TRIM48: variants seen among roughly 807,000 people sequenced by gnomAD.
TRIM48 encodes the protein tripartite motif containing 48.
In TRIM48, 31 loss-of-function variants were observed where a neutral mutation model predicts 29.5. That is an observed-to-expected ratio of 1.05 (90% confidence interval 0.79 to 1.42). TRIM48 has a LOEUF of 1.42. Among genes scored for constraint, TRIM48 ranks in the 40% most tolerant of loss-of-function variants. The pLI is 0.00. For missense variants in TRIM48, 344 were observed against 265.0 expected (o/e 1.30, Z -2.07); for synonymous variants, 128 against 90.6 (o/e 1.41, Z -2.34).
Position 55,266,268 on chromosome 11 carries a change from G to T in TRIM48, c.555+573G>T, listed in dbSNP as rs1423693444. On this transcript the variant is annotated intron_variant, in intron 3 of 5. Coordinates refer to ENST00000417545, the MANE Select transcript of TRIM48 (RefSeq NM_024114.5). ...TGTCTTGAGGGAGACATGCAAACATGCCCAAAATATGGGAACTAGTATCTA... is the reference window on the plus strand; with the variant it reads ...TGTCTTGAGGGAGACATGCAAACATTCCCAAAATATGGGAACTAGTATCTA... Among the ~76,000 whole-genome samples the T allele has an allele frequency of 1.4e-5, 2 of 147,566 alleles. 1 individual carries two copies. The highest frequency in any genetic ancestry group is 3.0e-5 in the Non-Finnish European group (2 of 66,890).
In TRIM48 at chr11:55,267,548, G is replaced by T; in HGVS notation, c.556-802G>T. 1.9e-6 allele frequency: 3 copies of T among 1,571,796 alleles called. 1 individual carries two copies. The Admixed American group carries it at 5.2e-5, about 27-fold the overall frequency. On this transcript the variant is annotated intron_variant, in intron 3 of 5. Transcript: ENST00000417545. ...TTTTCATCAACTTCATTTAAGTAAA[G>T]CCAAAATGGCTCATAGGAGGGAGAT...
intron 2 of TRIM48, 36 bp from the exon 3 acceptor site, chr11:55,265,564 T>A: frequency 6.4e-7 from 1 of 1,569,390 alleles, no homozygotes; most frequent in Non-Finnish European, 8.7e-7. Flanking sequence ...TACTTTATTG[T>A]CTTCACTGGT....
At chr11:55,262,537 T>A (rs1857319627) in intron 1 of TRIM48, among the ~76,000 whole-genome samples, 2 of 152,148 alleles carry the variant, frequency 1.3e-5, no homozygotes, top group South Asian at 4.1e-4. Context: ...TAGTGTTTGC[T>A]GCAACAGATA....
chr11:55,270,057 GC>G (rs1277092443), intron 5 of TRIM48, among the ~76,000 whole-genome samples: 1 of 147,754 alleles, frequency 6.8e-6, no homozygotes, highest in African/African-American at 2.5e-5. Context: ...ATCTTCACAT[GC>G]TTTCCAAAAT....
At chr11:55,269,890 T>C (rs370376906) in intron 5 of TRIM48, among the ~76,000 whole-genome samples, 1 of 147,924 alleles carries the variant, frequency 6.8e-6, no homozygotes, top group African/African-American at 2.5e-5. Flanking sequence ...AAAAGCTACA[T>C]GTTAAGTCTA....
At position 55,269,548 on chromosome 11, in the gene TRIM48, G is replaced by A. The variant is rs779284215; in HGVS notation, c.*1+209G>A. Among the ~76,000 whole-genome samples the A allele has an allele frequency of 1.1e-4, 16 of 147,890 alleles. 1 individual carries two copies. The South Asian group carries it at 3.9e-3, about 36-fold the overall frequency. ...GATAGTGAAAAACAAATACATTATGGCCTCATATGTACTGAGTAATGTAAT... is the reference window on the plus strand; with the variant it reads ...GATAGTGAAAAACAAATACATTATGACCTCATATGTACTGAGTAATGTAAT... On this transcript the variant is annotated intron_variant, in intron 5 of 5. Coordinates refer to ENST00000417545, the MANE Select transcript of TRIM48 (RefSeq NM_024114.5).
rs1400376080 is a variant in TRIM48 at position 55,265,535 on chromosome 11, A to G, written c.460-65A>G. 14 of 1,543,684 alleles carry G rather than the reference A, an allele frequency of 9.1e-6. 1 individual carries two copies. Among genetic ancestry groups the G allele is most frequent in the Non-Finnish European group, 1.2e-5 (14 of 1,136,266 alleles). On this transcript the variant is annotated intron_variant, in intron 2 of 5. Coordinates refer to ENST00000417545, the MANE Select transcript of TRIM48 (RefSeq NM_024114.5). ...TGTCTCTCATTCTGGGCCCCCTCCC[A>G]ATGAAACGGTCTGTATGTTACTTTA...
Position 55,264,998 on chromosome 11 carries a change from A to G in TRIM48, c.143A>G (p.His48Arg), listed in dbSNP as rs1418038764. ...FIDPVTIDCG[H>R]SFCRPCFYLN... ...GACCCGGTCACCATAGACTGTGGGC[A>G]CAGCTTTTGCAGGCCCTGTTTCTAC... Residue 48 changes from histidine to arginine, a missense_variant, in exon 2 of 6, where the codon CAC becomes CGC. Coordinates refer to ENST00000417545, the MANE Select transcript of TRIM48 (RefSeq NM_024114.5). 4 of 1,584,718 alleles carry G rather than the reference A, an allele frequency of 2.5e-6. 1 individual carries two copies. Among genetic ancestry groups the G allele is most frequent in the Non-Finnish European group, 3.4e-6 (4 of 1,166,442 alleles).
rs1222261561 is a variant in TRIM48, at chr11:55,264,497, C to T, written c.45-403C>T. ...TCATAGGACCCTCTAGCCATCTTCT[C>T]GTATTTCTTTGGCCAAGACAGTTTT... is the stretch of plus-strand genomic sequence containing the variant. On this transcript the variant is annotated intron_variant, in intron 1 of 5. Transcript: ENST00000417545. 1.8e-4 allele frequency among the ~76,000 whole-genome samples: 27 copies of T among 148,126 alleles called. 1 individual carries two copies. Among genetic ancestry groups the T allele is most frequent in the African/African-American group, 6.4e-4 (26 of 40,448 alleles).
chr11:55,263,423 C>A lies in TRIM48; in HGVS notation c.44+1112C>A, dbSNP rs552448645. Among the ~76,000 whole-genome samples the A allele has an allele frequency of 2.0e-5, 3 of 151,958 alleles. No individual in the cohort carries two copies. The East Asian group carries it at 5.9e-4, about 30-fold the overall frequency. On this transcript the variant is annotated intron_variant, in intron 1 of 5. Coordinates refer to ENST00000417545, the MANE Select transcript of TRIM48 (RefSeq NM_024114.5). ...ATCCCAGCACTTTTGGAGGCCGTGG[C>A]AGGCAGATCACTTGAGGCCGGGAGT... is the stretch of plus-strand genomic sequence containing the variant.
chr11:55,270,848 A>T lies in TRIM48; in HGVS notation c.*413A>T. 1 of 1,570,116 alleles carries T rather than the reference A, an allele frequency of 6.4e-7. No homozygotes were observed. On this transcript the variant is annotated 3_prime_UTR_variant, in exon 6 of 6. Coordinates refer to ENST00000417545, the MANE Select transcript of TRIM48 (RefSeq NM_024114.5). Reference sequence around the variant, plus strand: ...GAAGCTAGAACTGTGAGCTTCGTTGATGTTAGTCAAAGCTCCCCTATATAC... The same window carrying T: ...GAAGCTAGAACTGTGAGCTTCGTTGTTGTTAGTCAAAGCTCCCCTATATAC...
In TRIM48 at chr11:55,265,203, G is replaced by T; in HGVS notation, c.348G>T (p.Lys116Asn). 1 of 1,582,846 alleles carries T rather than the reference G, an allele frequency of 6.3e-7. No individual in the cohort carries two copies. The highest frequency in any genetic ancestry group is 1.2e-5 in the South Asian group (1 of 83,648). Residue 116 changes from lysine to asparagine, a missense_variant, in exon 2 of 6, where the codon AAG becomes AAT. Transcript: ENST00000417545. ...TGTGTGGCATTCACAGGGAGACAAA[G>T]AAGATGTTCTGTGAAGTGGACAGGA... The part of the protein sequence containing the change: ...EQMCGIHRET[K>N]KMFCEVDRSL...
In TRIM48 at chr11:55,270,614, A is replaced by G; in HGVS notation, c.*179A>G. On this transcript the variant is annotated 3_prime_UTR_variant, in exon 6 of 6. Coordinates refer to ENST00000417545, the MANE Select transcript of TRIM48 (RefSeq NM_024114.5). ...TCTGGCAAATATTACTGGGAGGTCC[A>G]TGTGGGGGACTCTTGGAATTGGGCT... 3 of 1,582,996 alleles carry G rather than the reference A, an allele frequency of 1.9e-6. No homozygotes were observed. In the East Asian group the frequency reaches 7.3e-5, roughly 38 times the overall value.
In TRIM48 at chr11:55,270,360, T is replaced by C; in HGVS notation, c.*2-77T>C. On this transcript the variant is annotated intron_variant, in intron 5 of 5. Transcript: ENST00000417545. ...GTAAATTAACTTTTTGATAGAACGA[T>C]TTTTGCTTATTTACACATGCCTATG... 2 of 1,205,566 alleles carry C rather than the reference T, an allele frequency of 1.7e-6. 1 individual carries two copies. Among genetic ancestry groups the C allele is most frequent in the Non-Finnish European group, 2.2e-6 (2 of 892,912 alleles). 74.7% of individuals were successfully genotyped at this position (1,205,566 alleles called of 1,614,324 possible). A position where few individuals can be genotyped will look rare whatever the true frequency, so the allele number is the denominator to read the frequency against.
intron 5 of TRIM48, among the ~76,000 whole-genome samples, chr11:55,269,704 A>G (rs1857450777): frequency 6.8e-6 from 1 of 147,388 alleles, no homozygotes; most frequent in African/African-American, 2.5e-5. Context: ...ACAGTTAAGA[A>G]CTGTTCTTTT....
chr11:55,262,266 T>A lies in TRIM48; in HGVS notation c.-2T>A, dbSNP rs1451528966. 6.5e-7 allele frequency: 1 copy of A among 1,548,882 alleles called. No homozygotes were observed. The highest frequency in any genetic ancestry group is 8.7e-7 in the Non-Finnish European group (1 of 1,146,344). On this transcript the variant is annotated 5_prime_UTR_variant, in exon 1 of 6. Transcript: ENST00000417545. ...TGACCTTGAGGAGTACTTAACAGAA[T>A]TATGTCTCGAAGAATCATTGTGGGA...
chr11:55,269,401 T>A, intron 5 of TRIM48, 62 bp downstream of exon 5: 1 of 1,529,904 alleles, frequency 6.5e-7, no homozygotes, highest in Non-Finnish European at 8.8e-7. Context: ...TAGGATCACA[T>A]AGGTAATATT....
intron 3 of TRIM48, among the ~76,000 whole-genome samples, chr11:55,268,141 T>C (rs1434308032): frequency 6.8e-6 from 1 of 147,560 alleles, no homozygotes; most frequent in Admixed American, 6.9e-5. Context: ...TTGGAGAATG[T>C]CTTCAAGACT....
chr11:55,268,689 A>T lies in TRIM48; in HGVS notation c.578+317A>T, dbSNP rs1290646853. Among the ~76,000 whole-genome samples the T allele has an allele frequency of 2.0e-5, 3 of 147,748 alleles. 1 individual carries two copies. The highest frequency in any genetic ancestry group is 7.4e-5 in the African/African-American group (3 of 40,356). ...AGAGGAAGCAGGAGAGAAGTGGGGG[A>T]AGTATTTTAGCAGTGAAAAAGTTGA... On this transcript the variant is annotated intron_variant, in intron 4 of 5. Coordinates refer to ENST00000417545, the MANE Select transcript of TRIM48 (RefSeq NM_024114.5).
Sources: allele counts gnomAD v4.1 joint callset (sites outside exome capture counted in the v4.1 genomes callset), GRCh38; gene constraint gnomAD v4.1.1; transcripts MANE v1.5; gene names NCBI Gene and HGNC (gene_info 2026-07-23, HGNC 2026-07-21).